TM9SF4: variants seen among roughly 807,000 people sequenced by gnomAD.
The protein encoded by TM9SF4 is dinucleotide oxidase disulfide thiol exchanger 3 superfamily member 4.
In TM9SF4, 26 loss-of-function variants were observed where a neutral mutation model predicts 90.4. The observed-to-expected ratio is 0.29, with a 90% confidence interval of 0.21 to 0.40. TM9SF4 has a LOEUF of 0.40. Among genes scored for constraint, TM9SF4 ranks in the 10% least tolerant of loss-of-function variants. The probability of loss-of-function intolerance (pLI) is 1.00; values close to 1 mark genes in which losing one functional copy is unlikely to be tolerated. For synonymous variants in TM9SF4, 293 were observed against 315.4 expected (o/e 0.93, Z 0.75); for missense variants, 549 against 834.8 (o/e 0.66, Z 4.22).
At chr20:32,148,428 G>T (rs1317708814) in intron 9 of TM9SF4, among the ~76,000 whole-genome samples, 1 of 152,028 alleles carries the variant, frequency 6.6e-6, no homozygotes, top group Non-Finnish European at 1.5e-5. Flanking sequence ...ATCAAGAACT[G>T]TAAAACAGGC....
intron 1 of TM9SF4, chr20:32,110,093 C>T (rs1569031347): frequency 2.5e-6 from 3 of 1,183,416 alleles, no homozygotes; most frequent in African/African-American, 1.5e-5. Context: ...CTGAAGACCC[C>T]CTCCCGTTAT....
chr20:32,109,935 C>A, intron 1 of TM9SF4, 180 bp downstream of exon 1: 2 of 1,436,892 alleles, frequency 1.4e-6, no homozygotes, highest in Non-Finnish European at 1.8e-6. Context: ...TGCCCCTGCA[C>A]TCAGGCTTGT....
intron 2 of TM9SF4, among the ~76,000 whole-genome samples, chr20:32,135,583 G>A (rs895303946): frequency 6.6e-6 from 1 of 152,182 alleles, no homozygotes; most frequent in Non-Finnish European, 1.5e-5. Flanking sequence ...TAAGGACACA[G>A]GCAAGGGGAG....
At chr20:32,113,648 A>G (rs185962278) in intron 1 of TM9SF4, among the ~76,000 whole-genome samples, 105 of 152,304 alleles carry the variant, frequency 6.9e-4, no homozygotes, top group African/African-American at 2.5e-3. Context: ...GGTTTTTATT[A>G]TAATCTTCTT....
At chr20:32,144,173 G>A (rs900121196) in intron 6 of TM9SF4, among the ~76,000 whole-genome samples, 10 of 151,986 alleles carry the variant, frequency 6.6e-5, no homozygotes, top group South Asian at 2.1e-4. Flanking sequence ...CTCAAACTCC[G>A]GACCTCGTGA....
At chr20:32,126,106 C>CACACACACACACACACAG (rs368553951) in intron 1 of TM9SF4, among the ~76,000 whole-genome samples, 4 of 148,598 alleles carry the variant, frequency 2.7e-5, no homozygotes, top group African/African-American at 1.0e-4. Context: ...CACACACACA[C>CACACACACACACACACAG]AGTAGCCAGA....
In TM9SF4 at chr20:32,114,927, A is replaced by G; in HGVS notation, c.15+5172A>G. ...TGTCATGTGTGAAATTAAGGTTTGT[A>G]CTTGATGATTTCCAAATTCTGAGTT... On this transcript the variant is annotated intron_variant, in intron 1 of 17. Coordinates refer to ENST00000398022, the MANE Select transcript of TM9SF4 (RefSeq NM_014742.4). 1.3e-5 allele frequency among the ~76,000 whole-genome samples: 2 copies of G among 152,228 alleles called. 1 individual carries two copies. Among genetic ancestry groups the G allele is most frequent in the Non-Finnish European group, 2.9e-5 (2 of 68,034 alleles).
At chr20:32,157,466 A>G (rs6061194) in intron 13 of TM9SF4, among the ~76,000 whole-genome samples, 18,440 of 152,232 alleles carry the variant, frequency 0.12, 1,260 homozygotes, top group East Asian at 0.18. Flanking sequence ...TCTTTTCTTC[A>G]CATAATGTGC....
chr20:32,161,129 C>T, intron 16 of TM9SF4, 147 bp from the exon 17 acceptor site: 1 of 652,410 alleles, frequency 1.5e-6, no homozygotes, highest in South Asian at 1.8e-5. Context: ...GTTCTGGAAC[C>T]ACCATCACAG....
At chr20:32,109,826 C>T in intron 1 of TM9SF4, 71 bp downstream of exon 1, 1 of 1,549,754 alleles carries the variant, frequency 6.5e-7, no homozygotes, top group Admixed American at 2.0e-5. Context: ...TCTTCCAGCA[C>T]CCCATGCCTG....
chr20:32,149,884 G>T, intron 10 of TM9SF4, 118 bp downstream of exon 10: 1 of 1,406,206 alleles, frequency 7.1e-7, no homozygotes, highest in Non-Finnish European at 9.6e-7. Flanking sequence ...GGCACCAAGT[G>T]GGCATGTCAG....
At chr20:32,163,998 G>A (rs539621065) in intron 17 of TM9SF4, among the ~76,000 whole-genome samples, 16 of 152,176 alleles carry the variant, frequency 1.1e-4, no homozygotes, top group South Asian at 2.1e-4. Context: ...CAAGGAACAC[G>A]GTTAAACAAA....
rs1569107467 is a variant in TM9SF4, at chr20:32,158,499, C to T, written c.1554C>T (p.Leu518=). 6.2e-7 allele frequency: 1 copy of T among 1,614,150 alleles called. No homozygotes were observed. The highest frequency in any genetic ancestry group is 1.3e-5 in the African/African-American group (1 of 75,026). Residue 518 remains leucine (L), a synonymous_variant, in exon 15 of 18, where the codon CTC becomes CTT. Transcript: ENST00000398022. ...ILPFGAMFIE[L]FFIFSAIWEN... ...CCTTCGGCGCCATGTTCATCGAGCTCTTCTTCATCTTCAGTGTGAGTACTG... is the reference window on the plus strand; with the variant it reads ...CCTTCGGCGCCATGTTCATCGAGCTTTTCTTCATCTTCAGTGTGAGTACTG...
intron 14 of TM9SF4, 104 bp downstream of exon 14, chr20:32,158,073 G>A (rs2046956502): frequency 2.1e-6 from 3 of 1,461,476 alleles, no homozygotes; most frequent in Admixed American, 2.1e-5. Context: ...GCTTCAGCCG[G>A]CTCTAATAGA....
intron 1 of TM9SF4, among the ~76,000 whole-genome samples, chr20:32,112,411 A>G (rs916104726): frequency 2.6e-5 from 4 of 152,048 alleles, no homozygotes; most frequent in African/African-American, 9.7e-5. Context: ...AGAAACAACA[A>G]CAGGCCGGGA....
At chr20:32,144,069 C>T (rs1403262330) in intron 6 of TM9SF4, among the ~76,000 whole-genome samples, 2 of 152,198 alleles carry the variant, frequency 1.3e-5, no homozygotes, top group Non-Finnish European at 2.9e-5. Flanking sequence ...CCTCAGCCTC[C>T]TAAGTAGCTA....
intron 1 of TM9SF4, among the ~76,000 whole-genome samples, chr20:32,125,930 A>C (rs1194427064): frequency 2.0e-5 from 3 of 151,994 alleles, no homozygotes; most frequent in Non-Finnish European, 1.5e-5. Context: ...TCTGCCTCCC[A>C]AAGTGCTGGG....
chr20:32,129,354 A>G (rs1281430025), intron 1 of TM9SF4, among the ~76,000 whole-genome samples: 1 of 152,048 alleles, frequency 6.6e-6, no homozygotes, highest in Non-Finnish European at 1.5e-5. Context: ...ATTGCGGTGC[A>G]TGGTGGCGTG....
intron 15 of TM9SF4, 192 bp from the exon 16 acceptor site, chr20:32,159,800 C>T: frequency 1.4e-6 from 1 of 692,826 alleles, no homozygotes; most frequent in Non-Finnish European, 2.4e-6. Context: ...TCAGTCAACC[C>T]CTGGCCCCTC....
Sources: allele counts gnomAD v4.1 joint callset (sites outside exome capture counted in the v4.1 genomes callset), GRCh38; gene constraint gnomAD v4.1.1; transcripts MANE v1.5; gene names NCBI Gene and HGNC (gene_info 2026-07-23, HGNC 2026-07-21).